Variants in RASSF3 observed in about 807,000 individuals in gnomAD.
RASSF3 encodes the protein Ras association domain family member 3.
Under a neutral mutation model 19.9 loss-of-function variants are expected in RASSF3, and 19 were observed. That is an observed-to-expected ratio of 0.96 (90% confidence interval 0.67 to 1.40). RASSF3 has a LOEUF of 1.40. Among genes scored for constraint, RASSF3 ranks in the 40% most tolerant of loss-of-function variants. The pLI is 0.00. For synonymous variants in RASSF3, 110 were observed against 104.2 expected (o/e 1.06, Z -0.34); for missense variants, 306 against 289.8 (o/e 1.06, Z -0.41).
At chr12:64,634,962 CTTTTCT>C (rs1025052594) in intron 1 of RASSF3, among the ~76,000 whole-genome samples, 18 of 130,518 alleles carry the variant, frequency 1.4e-4, no homozygotes, top group South Asian at 2.5e-4. Flanking sequence ...CTTTTCTTTT[CTTTTCT>C]TTTTTTTTTT....
intron 3 of RASSF3, among the ~76,000 whole-genome samples, chr12:64,690,193 T>A (rs1387544220): frequency 6.6e-6 from 1 of 151,828 alleles, no homozygotes; most frequent in Non-Finnish European, 1.5e-5. Context: ...TTTTTGTTTG[T>A]TTGTTTGAGA....
Position 64,677,929 on chromosome 12 carries a change from C to A in RASSF3, c.112-6858C>A, listed in dbSNP as rs1283176781. ...CTTTGAAACCCCCACACTGCTTGCT[C>A]TGTAGCTCATGGAAATCACTTACTT... On this transcript the variant is annotated intron_variant, in intron 1 of 4. Coordinates refer to ENST00000542104, the MANE Select transcript of RASSF3 (RefSeq NM_178169.4). Among the ~76,000 whole-genome samples the A allele has an allele frequency of 2.6e-5, 4 of 152,354 alleles. No homozygotes were observed. In the East Asian group the frequency reaches 7.7e-4, roughly 29 times the overall value.
intron 2 of RASSF3, among the ~76,000 whole-genome samples, chr12:64,571,698 C>T (rs893543136): frequency 2.0e-5 from 3 of 152,168 alleles, no homozygotes; most frequent in Admixed American, 6.5e-5. Context: ...ATCTCCCTAT[C>T]GTAAAAGTTC....
chr12:64,694,798 C>A lies in RASSF3; in HGVS notation c.603C>A (p.Phe201Leu). ...EAFSLPELQN[F>L]LRILDKEEDE... ...TCAGCCTTCCAGAACTACAGAATTTCTTGCGCATCTTGGACAAGGAAGAAG... is the reference window on the plus strand; with the variant it reads ...TCAGCCTTCCAGAACTACAGAATTTATTGCGCATCTTGGACAAGGAAGAAG... The change falls in exon 5 of 5, where the codon TTC becomes TTA. Residue 201 changes from phenylalanine (F) to leucine (L), a missense_variant. Transcript: ENST00000542104. 1.2e-6 allele frequency: 2 copies of A among 1,614,224 alleles called. No individual in the cohort carries two copies. Among genetic ancestry groups the A allele is most frequent in the Non-Finnish European group, 1.7e-6 (2 of 1,180,024 alleles).
At chr12:64,518,890 G>A (rs1299235375) in intron 1 of RASSF3, among the ~76,000 whole-genome samples, 1 of 152,184 alleles carries the variant, frequency 6.6e-6, no homozygotes. Flanking sequence ...TCCAAAGGGA[G>A]AGGACCCTGA....
chr12:64,510,985 G>A (rs368565204), intron 1 of RASSF3, among the ~76,000 whole-genome samples: 1 of 152,196 alleles, frequency 6.6e-6, no homozygotes, highest in Non-Finnish European at 1.5e-5. Flanking sequence ...CTTTGAGCAA[G>A]TCACTTAGAT....
intron 2 of RASSF3, among the ~76,000 whole-genome samples, chr12:64,686,194 T>C (rs1194802607): frequency 1.3e-5 from 2 of 151,788 alleles, no homozygotes; most frequent in African/African-American, 2.4e-5. Flanking sequence ...TTTTTTTTTT[T>C]CCTTTCCTGA....
At chr12:64,646,822 G>A (rs1335959482) in intron 1 of RASSF3, among the ~76,000 whole-genome samples, 1 of 151,868 alleles carries the variant, frequency 6.6e-6, no homozygotes, top group Non-Finnish European at 1.5e-5. Context: ...TGCAGATCTG[G>A]TAATAATAAC....
chr12:64,563,190 G>A (rs1367206613), intron 2 of RASSF3, among the ~76,000 whole-genome samples: 1 of 149,354 alleles, frequency 6.7e-6, no homozygotes, highest in Non-Finnish European at 1.5e-5. Flanking sequence ...TTTTGAGATG[G>A]AGCTTCATTC....
At chr12:64,690,024 T>C (rs1868258993) in intron 3 of RASSF3, among the ~76,000 whole-genome samples, 2 of 151,618 alleles carry the variant, frequency 1.3e-5, no homozygotes, top group African/African-American at 4.8e-5. Context: ...CTCCTGACCT[T>C]GTGATCCGCC....
chr12:64,678,515 C>T (rs1191445028), intron 1 of RASSF3, among the ~76,000 whole-genome samples: 1 of 152,134 alleles, frequency 6.6e-6, no homozygotes, highest in Non-Finnish European at 1.5e-5. Context: ...AGTGTCATGC[C>T]ACTGGCATCA....
chr12:64,644,692 C>T (rs1871668609), intron 1 of RASSF3, among the ~76,000 whole-genome samples: 1 of 60,992 alleles, frequency 1.6e-5, no homozygotes, highest in Non-Finnish European at 3.5e-5. Flanking sequence ...GACCCTGTCT[C>T]CAACCAAAAA....
chr12:64,582,034 A>G (rs1869711159), intron 2 of RASSF3, among the ~76,000 whole-genome samples: 1 of 151,918 alleles, frequency 6.6e-6, no homozygotes, highest in Non-Finnish European at 1.5e-5. Context: ...ACACTCGGCC[A>G]ATTTTTTAGA....
At chr12:64,681,829 A>T (rs1197063329) in intron 1 of RASSF3, among the ~76,000 whole-genome samples, 1 of 152,112 alleles carries the variant, frequency 6.6e-6, no homozygotes, top group Admixed American at 6.5e-5. Context: ...CCTGGGCAAC[A>T]TAGCCAGACG....
intron 1 of RASSF3, among the ~76,000 whole-genome samples, chr12:64,512,700 G>A (rs1868336074): frequency 6.6e-6 from 1 of 152,116 alleles, no homozygotes; most frequent in Admixed American, 6.6e-5. Context: ...CACAAGCAAA[G>A]GATGGAGAGG....
At chr12:64,653,350 G>A (rs540170833) in intron 1 of RASSF3, among the ~76,000 whole-genome samples, 80 of 152,224 alleles carry the variant, frequency 5.3e-4, no homozygotes, top group Non-Finnish European at 1.8e-4. Context: ...AAAATGCTGG[G>A]ATTACAGGCA....
At chr12:64,637,525 G>C (rs1002044690) in intron 1 of RASSF3, among the ~76,000 whole-genome samples, 1 of 151,702 alleles carries the variant, frequency 6.6e-6, no homozygotes, top group African/African-American at 2.4e-5. Flanking sequence ...TGACTGCTGG[G>C]TTCCAGCAAT....
intron 1 of RASSF3, among the ~76,000 whole-genome samples, chr12:64,517,066 A>G (rs1342165594): frequency 6.6e-6 from 1 of 151,852 alleles, no homozygotes; most frequent in Non-Finnish European, 1.5e-5. Flanking sequence ...TCTATTTGTA[A>G]AACTAGTATA....
At chr12:64,616,995 A>G (rs532121921) in intron 1 of RASSF3, among the ~76,000 whole-genome samples, 2 of 152,324 alleles carry the variant, frequency 1.3e-5, no homozygotes, top group Admixed American at 6.5e-5. Flanking sequence ...ATTTTGTTTA[A>G]TGAGGACAGA....
Sources: gnomAD v4.1 joint callset for allele counts (sites outside exome capture counted in the v4.1 genomes callset) on GRCh38, gnomAD v4.1.1 for gene constraint, MANE v1.5 for transcripts, NCBI Gene and HGNC (gene_info 2026-07-23, HGNC 2026-07-21) for gene names.